ELFN2: variants seen among roughly 807,000 people sequenced by gnomAD.
ELFN2 encodes extracellular leucine rich repeat and fibronectin type III domain containing 2, also known as protein phosphatase 1 regulatory subunit 29.
Under a neutral mutation model 45.5 loss-of-function variants are expected in ELFN2, and 17 were observed. The ratio of observed to expected loss-of-function variants is 0.37; its 90% CI spans 0.26 to 0.56. The LOEUF (loss-of-function observed/expected upper bound fraction) is 0.56, where lower values mean the gene tolerates loss of function less well. ELFN2 is among the 20% of genes least tolerant of loss of function. ELFN2 has a pLI of 0.77. For synonymous variants in ELFN2, 550 were observed against 551.5 expected, an observed-to-expected ratio of 1.00 and a Z score of 0.04; for missense variants, 922 against 1,183.2, an observed-to-expected ratio of 0.78 and a Z score of 3.24.
chr22:37,403,978 C>T (rs1197554600), intron 2 of ELFN2, among the ~76,000 whole-genome samples: 1 of 152,348 alleles, frequency 6.6e-6, no homozygotes, highest in East Asian at 1.9e-4. Flanking sequence ...ACCTGAGGGG[C>T]CTCATCTGTC....
At chr22:37,365,905 T>TGAGCAC (rs11280656), downstream of ELFN2, among the ~76,000 whole-genome samples, 115,077 of 151,666 alleles carry the variant, frequency 0.76, 43,794 homozygotes, top group South Asian at 0.82. Flanking sequence ...TCACGATATC[T>TGAGCAC]GAGCACGTGT....
rs1329181553 is a variant in ELFN2, at chr22:37,373,197, G to A, written c.2338C>T (p.His780Tyr). The A allele has an allele frequency of 5.0e-6, 8 of 1,613,688 alleles. No homozygotes were observed. The South Asian group carries it at 8.8e-5, about 18-fold the overall frequency. ...GCGGCCATGTACACCTCCTCCCGGT[G>A]GTGCTTCTTGTAGGGCCGGAAGCGC... is the stretch of plus-strand genomic sequence containing the variant. ...WERFRPYKKH[H>Y]REEVYMAAGH... Residue 780 changes from histidine (H) to tyrosine (Y), a missense_variant, in exon 3 of 3, where the codon CAC becomes TAC. By Grantham distance (83) the His-to-Tyr change is moderately conservative. This residue lies in a region of ELFN2 where 564 missense variants were observed against 642.8 expected (regional missense o/e 0.88). Coordinates refer to ENST00000402918, the MANE Select transcript of ELFN2 (RefSeq NM_052906.5).
At chr22:37,348,375 G>A (rs371895524) in intron 1 of ELFN2, among the ~76,000 whole-genome samples, 2 of 137,548 alleles carry the variant, frequency 1.5e-5, no homozygotes, top group African/African-American at 4.9e-5. Flanking sequence ...GACAGGCGTG[G>A]CTGTGGGGTT....
At chr22:37,421,888 G>A (rs981944415) in intron 1 of ELFN2, among the ~76,000 whole-genome samples, 9 of 152,166 alleles carry the variant, frequency 5.9e-5, no homozygotes, top group East Asian at 1.9e-4. Flanking sequence ...GAGGCAGGTC[G>A]GCTGACCCCA....
chr22:37,415,745 A>G (rs1024972703), intron 2 of ELFN2, among the ~76,000 whole-genome samples: 2 of 152,044 alleles, frequency 1.3e-5, no homozygotes, highest in African/African-American at 2.4e-5. Context: ...GGTGGATCAC[A>G]AGGTCAGGAG....
intron 2 of ELFN2, among the ~76,000 whole-genome samples, chr22:37,406,655 T>C (rs535592294): frequency 1.3e-5 from 2 of 152,370 alleles, no homozygotes; most frequent in South Asian, 4.1e-4. Flanking sequence ...ACTTAATTTC[T>C]GAGCTAATCA....
At chr22:37,396,631 C>T (rs746967162) in intron 2 of ELFN2, among the ~76,000 whole-genome samples, 9 of 152,182 alleles carry the variant, frequency 5.9e-5, no homozygotes, top group Non-Finnish European at 1.3e-4. Context: ...GGCCTCCCAG[C>T]CACGCCCCCT....
chr22:37,348,341 C>T (rs1305777599), intron 1 of ELFN2, among the ~76,000 whole-genome samples: 1 of 152,124 alleles, frequency 6.6e-6, no homozygotes, highest in African/African-American at 2.4e-5. Flanking sequence ...GAAGTCTTAG[C>T]AAGGGGCTTC....
rs1931260367 is a variant in ELFN2, at chr22:37,368,413, C to T, written c.*4659G>A. 1 of 152,426 alleles carries T rather than the reference C, an allele frequency of 6.6e-6. No individual in the cohort carries two copies. Among genetic ancestry groups the T allele is most frequent in the South Asian group, 2.1e-4 (1 of 4,836 alleles). 9.4% of individuals were successfully genotyped at this position (152,426 alleles called of 1,614,324 possible). ...GCAGGCCCAGACCATCCTGCCCGTC[C>T]TACAGGACCCCCTTCCTCTCCCTCC... is the stretch of plus-strand genomic sequence containing the variant. On this transcript the variant is annotated 3_prime_UTR_variant, in exon 3 of 3. Transcript: ENST00000402918.
intron 2 of ELFN2, among the ~76,000 whole-genome samples, chr22:37,391,286 T>G (rs990303233): frequency 2.6e-5 from 4 of 152,128 alleles, no homozygotes; most frequent in Non-Finnish European, 5.9e-5. Context: ...CACAGCCTCA[T>G]AGAGGACAAA....
In ELFN2 at chr22:37,377,845, G is replaced by A. The variant is rs368890882; in HGVS notation, c.-462-1849C>T. ...TGTGCTATGCAAAGGTCTCAGGGCT[G>A]CAGAGACCTTGGCCCCCGTCCAGCA... On this transcript the variant is annotated intron_variant, in intron 2 of 2. Transcript: ENST00000402918. 3.2e-4 allele frequency among the ~76,000 whole-genome samples: 49 copies of A among 152,340 alleles called. 1 individual carries two copies. The highest frequency in any genetic ancestry group is 2.9e-3 in the East Asian group (15 of 5,188).
chr22:37,352,416 C>T lies in ELFN2; in HGVS notation n.149-9713G>A, dbSNP rs1283131533. 2.7e-5 allele frequency: 4 copies of T among 150,822 alleles called. 1 individual carries two copies. The highest frequency in any genetic ancestry group is 9.7e-5 in the African/African-American group (4 of 41,350). 9.3% of individuals were successfully genotyped at this position (150,822 alleles called of 1,614,324 possible). A position where few individuals can be genotyped will look rare whatever the true frequency, so the allele number is the denominator to read the frequency against. ...TCTGGGGACACAGCAGGGGACCCCA[C>T]CAGCAAGTCCTCTTGTCTCACATTC... is the stretch of plus-strand genomic sequence containing the variant. On this transcript the variant is annotated intron_variant and non_coding_transcript_variant, in intron 1 of 2. Coordinates refer to ENST00000452946, the Ensembl canonical transcript of ELFN2.
chr22:37,401,779 A>G (rs1271599003), intron 2 of ELFN2, among the ~76,000 whole-genome samples: 1 of 152,208 alleles, frequency 6.6e-6, no homozygotes, highest in Non-Finnish European at 1.5e-5. Context: ...TTAACTTCAC[A>G]AATGTTAACA....
chr22:37,354,131 G>A (rs187587130), intron 1 of ELFN2: 4 of 152,330 alleles, frequency 2.6e-5, no homozygotes, highest in East Asian at 1.9e-4. Context: ...AGGGAAAGAC[G>A]CCAGTCTCAA....
intron 1 of ELFN2, among the ~76,000 whole-genome samples, chr22:37,359,426 T>G (rs935200811): frequency 1.1e-4 from 17 of 152,164 alleles, no homozygotes; most frequent in Non-Finnish European, 1.0e-4. Flanking sequence ...CCTGGCTCTC[T>G]CCTTCCTGGC....
chr22:37,406,056 C>T (rs780520484), intron 2 of ELFN2, among the ~76,000 whole-genome samples: 23 of 152,170 alleles, frequency 1.5e-4, no homozygotes, highest in African/African-American at 3.4e-4. Flanking sequence ...ATGGGAGGAT[C>T]GCTTGAGCCT....
chr22:37,354,587 A>G (rs1010796549), intron 1 of ELFN2: 5 of 152,338 alleles, frequency 3.3e-5, no homozygotes, highest in African/African-American at 1.2e-4. Context: ...AACCCCAGAC[A>G]TTGCCAAATG....
intron 2 of ELFN2, among the ~76,000 whole-genome samples, chr22:37,408,269 C>T (rs1932558914): frequency 6.6e-6 from 1 of 152,230 alleles, no homozygotes; most frequent in Admixed American, 6.5e-5. Context: ...ATCACATACC[C>T]CAGGGCCCAT....
At chr22:37,387,579 G>A (rs537884150) in intron 2 of ELFN2, among the ~76,000 whole-genome samples, 29 of 152,246 alleles carry the variant, frequency 1.9e-4, no homozygotes, top group African/African-American at 7.0e-4. Context: ...CCGCGCTGGT[G>A]CCAGGCACAG....
Sources: allele counts gnomAD v4.1 joint callset (sites outside exome capture counted in the v4.1 genomes callset), GRCh38; gene constraint gnomAD v4.1.1; regional missense constraint gnomAD v4.1.1; transcripts MANE v1.5; gene names NCBI Gene and HGNC (gene_info 2026-07-23, HGNC 2026-07-21).